The following CMSS1 variants were observed in gnomAD, a reference collection of about 807,000 sequenced individuals.
CMSS1 encodes cms1 ribosomal small subunit homolog.
In CMSS1, 33 loss-of-function variants were observed where a neutral mutation model predicts 43.5. That is an observed-to-expected ratio of 0.76 (90% CI 0.57 to 1.01). The LOEUF (loss-of-function observed/expected upper bound fraction) is 1.01. Among genes scored for constraint, CMSS1 ranks in the 50% least tolerant of loss-of-function variants. The pLI, the probability that CMSS1 is intolerant of heterozygous loss-of-function variation, is 0.00. For missense variants in CMSS1, 313 were observed against 326.4 expected (o/e 0.96, Z 0.32); for synonymous variants, 115 against 117.2 (o/e 0.98, Z 0.12).
intron 1 of CMSS1, among the ~76,000 whole-genome samples, chr3:99,981,636 A>C (rs1027818500): frequency 1.3e-5 from 2 of 152,204 alleles, no homozygotes; most frequent in Non-Finnish European, 2.9e-5. Context: ...CAAGTGGAAA[A>C]TTGACAGTTT....
chr3:99,957,693 C>CT (rs779350496), intron 1 of CMSS1, among the ~76,000 whole-genome samples: 682 of 19,874 alleles, frequency 0.034, 54 homozygotes, highest in Non-Finnish European at 0.046. Flanking sequence ...TTCTTTCTTT[C>CT]TTTTTTTTTT....
At chr3:99,865,699 G>A (rs1415791382) in intron 1 of CMSS1, among the ~76,000 whole-genome samples, 1 of 151,766 alleles carries the variant, frequency 6.6e-6, no homozygotes, top group Non-Finnish European at 1.5e-5. Context: ...AAAGTTCTTG[G>A]AAAATATTTT....
chr3:100,103,078 C>T (rs946738275), intron 1 of CMSS1, among the ~76,000 whole-genome samples: 1 of 152,206 alleles, frequency 6.6e-6, no homozygotes, highest in African/African-American at 2.4e-5. Flanking sequence ...ACTGTGGGTA[C>T]ACAGATCTAG....
chr3:99,867,123 G>A (rs540882794), intron 1 of CMSS1, among the ~76,000 whole-genome samples: 5 of 152,320 alleles, frequency 3.3e-5, no homozygotes, highest in African/African-American at 1.2e-4. Context: ...ATAGCAAGGA[G>A]TAATTCCATC....
At chr3:99,984,807 A>G (rs1253078838) in intron 1 of CMSS1, among the ~76,000 whole-genome samples, 1 of 152,238 alleles carries the variant, frequency 6.6e-6, no homozygotes, top group Non-Finnish European at 1.5e-5. Context: ...ATCAAGGATC[A>G]TATTCAGCTA....
At position 100,171,874 on chromosome 3, in the gene CMSS1, T is replaced by G. The variant is rs761032458; in HGVS notation, c.554T>G (p.Ile185Arg). 6.2e-7 allele frequency: 1 copy of G among 1,613,978 alleles called. No individual in the cohort carries two copies. The highest frequency in any genetic ancestry group is 1.1e-5 in the South Asian group (1 of 91,084). ...GCATTCAGAGGAGACGGCAAAGTTA[T>G]AAAATTATTTGCAAAGCACATAAAG... is the stretch of plus-strand genomic sequence containing the variant. Reference protein sequence around the residue: ...MTAFRGDGKVIKLFAKHIKVQ... With the variant: ...MTAFRGDGKVRKLFAKHIKVQ... The change falls in exon 7 of 10, where the codon ATA (isoleucine) becomes AGA (arginine). Residue 185 changes from isoleucine (I) to arginine (R), a missense_variant. Coordinates refer to ENST00000421999, the MANE Select transcript of CMSS1 (RefSeq NM_032359.4).
intron 1 of CMSS1, among the ~76,000 whole-genome samples, chr3:99,906,832 T>C (rs559142370): frequency 1.3e-5 from 2 of 152,288 alleles, no homozygotes; most frequent in East Asian, 3.9e-4. Context: ...CAAGACACTT[T>C]TCATGTATTT....
rs557232239 is a variant in CMSS1, at chr3:100,067,436, C to T, written c.65-79537C>T. Among the ~76,000 whole-genome samples, 10 of 152,170 alleles carry T rather than the reference C, an allele frequency of 6.6e-5. No homozygotes were observed. The East Asian group carries it at 1.9e-3, about 29-fold the overall frequency. Reference sequence around the variant, plus strand: ...AGGCTTTTGGAATGTCTGTTGAATCCCTGGCTCCAATTATTCCCATTCCTC... The same window carrying T: ...AGGCTTTTGGAATGTCTGTTGAATCTCTGGCTCCAATTATTCCCATTCCTC... On this transcript the variant is annotated intron_variant, in intron 1 of 9. Coordinates refer to ENST00000421999, the MANE Select transcript of CMSS1 (RefSeq NM_032359.4).
intron 1 of CMSS1, chr3:99,848,588 C>T (rs758837225): frequency 6.2e-7 from 1 of 1,614,068 alleles, no homozygotes; most frequent in African/African-American, 1.3e-5. Flanking sequence ...CTGAATATCG[C>T]ATGCTTGGCA....
At chr3:100,126,727 G>A (rs970911134) in intron 1 of CMSS1, among the ~76,000 whole-genome samples, 7 of 152,152 alleles carry the variant, frequency 4.6e-5, no homozygotes, top group Admixed American at 6.5e-5. Flanking sequence ...GGCTGGATGC[G>A]GTGGCTCATG....
At chr3:99,821,380 C>G (rs1942435709) in intron 1 of CMSS1, among the ~76,000 whole-genome samples, 1 of 152,156 alleles carries the variant, frequency 6.6e-6, no homozygotes, top group Non-Finnish European at 1.5e-5. Flanking sequence ...CTCTCCTGGT[C>G]CTTAAGGGAT....
intron 1 of CMSS1, among the ~76,000 whole-genome samples, chr3:99,852,291 C>T (rs2107531789): frequency 6.6e-6 from 1 of 152,274 alleles, no homozygotes; most frequent in East Asian, 1.9e-4. Flanking sequence ...GAAGTTATGA[C>T]TACTTACATT....
At chr3:99,946,849 A>G (rs944294199) in intron 1 of CMSS1, among the ~76,000 whole-genome samples, 2 of 152,172 alleles carry the variant, frequency 1.3e-5, no homozygotes, top group African/African-American at 4.8e-5. Flanking sequence ...CAAATTGCCA[A>G]TAGGCACTGT....
At chr3:99,842,877 G>A (rs1031396375) in intron 1 of CMSS1, among the ~76,000 whole-genome samples, 5 of 152,158 alleles carry the variant, frequency 3.3e-5, no homozygotes, top group Admixed American at 6.6e-5. Flanking sequence ...ACTTAGAGGT[G>A]TTGGCCAGTT....
At chr3:99,822,897 G>A (rs1486380671) in intron 1 of CMSS1, among the ~76,000 whole-genome samples, 1 of 152,088 alleles carries the variant, frequency 6.6e-6, no homozygotes, top group Non-Finnish European at 1.5e-5. Flanking sequence ...TTTTACTGAT[G>A]AGGAAGTTGA....
intron 2 of CMSS1, among the ~76,000 whole-genome samples, chr3:100,157,153 T>C (rs1177746981): frequency 6.6e-6 from 1 of 152,236 alleles, no homozygotes; most frequent in African/African-American, 2.4e-5. Context: ...CTTTTTTCTT[T>C]TCATTTTTCA....
intron 1 of CMSS1, among the ~76,000 whole-genome samples, chr3:99,978,562 C>T (rs1231827526): frequency 6.6e-6 from 1 of 152,196 alleles, no homozygotes; most frequent in Non-Finnish European, 1.5e-5. Context: ...CACATATTCT[C>T]ATTCATATGT....
intron 1 of CMSS1, among the ~76,000 whole-genome samples, chr3:100,097,157 A>G (rs2066224212): frequency 6.6e-6 from 1 of 152,198 alleles, no homozygotes; most frequent in Non-Finnish European, 1.5e-5. Flanking sequence ...AGAACTGCAC[A>G]TGCGAGAGAT....
chr3:99,923,800 C>G (rs1271285068), intron 1 of CMSS1, among the ~76,000 whole-genome samples: 1 of 152,252 alleles, frequency 6.6e-6, no homozygotes, highest in East Asian at 1.9e-4. Context: ...TCAAGGCAAG[C>G]CTTTCCTTTT....
Sources: gnomAD v4.1 joint callset for allele counts (sites outside exome capture counted in the v4.1 genomes callset) on GRCh38, gnomAD v4.1.1 for gene constraint, MANE v1.5 for transcripts, NCBI Gene and HGNC (gene_info 2026-07-23, HGNC 2026-07-21) for gene names.